Variants in ASS1 observed in about 807,000 individuals in gnomAD.
ASS1 encodes argininosuccinate synthase.
ASS1 carries 58 observed loss-of-function variants against 60.5 expected under a neutral mutation model. The observed-to-expected ratio is 0.96, with a 90% confidence interval of 0.78 to 1.19. The LOEUF (loss-of-function observed/expected upper bound fraction) is 1.19. ASS1 is among the 50% of genes most tolerant of loss of function. ASS1 has a pLI of 0.00. For synonymous variants in ASS1, 200 were observed against 206.9 expected (o/e 0.97, Z 0.29); for missense variants, 454 against 547.3 (o/e 0.83, Z 1.70).
intron 5 of ASS1, among the ~76,000 whole-genome samples, chr9:130,464,946 G>T (rs1429304008): frequency 1.3e-5 from 2 of 150,798 alleles, no homozygotes; most frequent in Admixed American, 6.6e-5. Context: ...GCACACTGCC[G>T]CTGCAAGCTG....
intron 4 of ASS1, among the ~76,000 whole-genome samples, chr9:130,460,350 G>A (rs1007225990): frequency 6.6e-6 from 1 of 152,224 alleles, no homozygotes; most frequent in Non-Finnish European, 1.5e-5. Flanking sequence ...GCTTGCACTG[G>A]GTATCTGCTG....
chr9:130,461,409 C>T (rs370509878), intron 4 of ASS1, among the ~76,000 whole-genome samples: 234 of 152,132 alleles, frequency 1.5e-3, no homozygotes, highest in African/African-American at 5.5e-3. Context: ...GAGGTGGCGG[C>T]ACCACCGGGG....
At chr9:130,473,688 C>T (rs1048208518) in intron 8 of ASS1, among the ~76,000 whole-genome samples, 1 of 152,218 alleles carries the variant, frequency 6.6e-6, no homozygotes, top group African/African-American at 2.4e-5. Flanking sequence ...GTGCCCCTCC[C>T]CCTCTCCAAA....
At chr9:130,472,572 C>T (rs1446926984) in intron 8 of ASS1, among the ~76,000 whole-genome samples, 1 of 152,200 alleles carries the variant, frequency 6.6e-6, no homozygotes, top group Admixed American at 6.5e-5. Context: ...CTGGTGCCCT[C>T]CAGCTCTGTG....
rs756665874 is a variant in ASS1 at position 130,494,893 on chromosome 9, T to G, written c.997T>G (p.Phe333Val). ...TGFWHSPECE[F>V]VRHCIAKSQE... ...TTTCTGGCACAGCCCTGAGTGTGAA[T>G]TTGTCCGCCACTGCATCGCCAAGTC... is the stretch of plus-strand genomic sequence containing the variant. The change falls in exon 13 of 15, where the codon TTT becomes GTT. Residue 333 changes from phenylalanine to valine, a missense_variant. Coordinates refer to ENST00000352480, the MANE Select transcript of ASS1 (RefSeq NM_054012.4). This position sits in a 1 kb window ranked among gnomAD's most constrained non-coding sequence, Gnocchi z 4.3. The G allele has an allele frequency of 6.2e-7, 1 of 1,613,372 alleles. No homozygotes were observed. Among genetic ancestry groups the G allele is most frequent in the Admixed American group, 1.7e-5 (1 of 60,010 alleles).
At chr9:130,480,140 G>A (rs543827212) in intron 10 of ASS1, among the ~76,000 whole-genome samples, 1 of 152,352 alleles carries the variant, frequency 6.6e-6, no homozygotes, top group East Asian at 1.9e-4. Context: ...AGGACACAGG[G>A]AACGGAAGGA....
intron 4 of ASS1, among the ~76,000 whole-genome samples, chr9:130,463,800 G>C (rs1234355350): frequency 2.0e-5 from 3 of 152,164 alleles, no homozygotes; most frequent in Non-Finnish European, 4.4e-5. Context: ...GAGCTCTGGG[G>C]CTGCAGGAGC....
chr9:130,487,002 C>G (rs1216654726), intron 11 of ASS1, among the ~76,000 whole-genome samples: 1 of 148,686 alleles, frequency 6.7e-6, no homozygotes, highest in East Asian at 1.9e-4. Flanking sequence ...CGGGCCCATT[C>G]CCCCTCCAGT....
chr9:130,448,549 A>G (rs1156306068), intron 1 of ASS1, among the ~76,000 whole-genome samples: 1 of 152,136 alleles, frequency 6.6e-6, no homozygotes. Context: ...CCTGGCAGGC[A>G]GGAGGGGCTC....
chr9:130,456,678 G>A (rs891407342), intron 3 of ASS1, among the ~76,000 whole-genome samples: 5 of 151,432 alleles, frequency 3.3e-5, no homozygotes, highest in South Asian at 2.1e-4. Flanking sequence ...GGCTGGGTGC[G>A]GTGGCTCACG....
In ASS1 at chr9:130,489,605, A is replaced by G; in HGVS notation, c.970+141A>G. The G allele has an allele frequency of 7.1e-7, 1 of 1,417,458 alleles. No individual in the cohort carries two copies. Among genetic ancestry groups the G allele is most frequent in the East Asian group, 2.3e-5 (1 of 43,644 alleles). The allele number at this position is 1,417,458 out of a possible 1,614,324, so 87.8% of individuals were successfully genotyped here. ...CACTGCCATCCTCATGTGAGACCCCAAAAGGTGCAGGCCAAAGGGGGTTGA... is the reference window on the plus strand; with the variant it reads ...CACTGCCATCCTCATGTGAGACCCCGAAAGGTGCAGGCCAAAGGGGGTTGA... On this transcript the variant is annotated intron_variant, in intron 12 of 14. Coordinates refer to ENST00000352480, the MANE Select transcript of ASS1 (RefSeq NM_054012.4). This position sits in a 1 kb window ranked among gnomAD's most constrained non-coding sequence, Gnocchi z 4.1.
intron 3 of ASS1, among the ~76,000 whole-genome samples, chr9:130,457,738 A>AC (rs1845478871): frequency 6.6e-6 from 1 of 151,446 alleles, no homozygotes; most frequent in Admixed American, 6.6e-5. Context: ...CCCTACTCCC[A>AC]CCCCCAACAG....
intron 8 of ASS1, among the ~76,000 whole-genome samples, chr9:130,471,784 TAG>T (rs1406494379): frequency 2.6e-5 from 4 of 151,876 alleles, no homozygotes; most frequent in African/African-American, 4.8e-5. Context: ...CAGGGCAGCA[TAG>T]AGAGAGAGTG....
Position 130,477,032 on chromosome 9 carries a change from T to TAGGTTCCCAGGCA in ASS1, c.688+71_688+72insAGGTTCCCAGGCA. The TAGGTTCCCAGGCA allele has an allele frequency of 6.7e-7, 1 of 1,500,226 alleles. No individual in the cohort carries two copies. Among genetic ancestry groups the TAGGTTCCCAGGCA allele is most frequent in the Non-Finnish European group, 9.3e-7 (1 of 1,078,536 alleles). The allele number at this position is 1,500,226 out of a possible 1,614,324, so 92.9% of individuals were successfully genotyped here. Reference sequence around the variant, plus strand: ...CCCTGGCTCCTTTCCCCTCCCTGCCTGGGAACCTAGGCCCTCTTTACCCCC... The same window carrying TAGGTTCCCAGGCA: ...CCCTGGCTCCTTTCCCCTCCCTGCCTAGGTTCCCAGGCAGGGAACCTAGGCCCTCTTTACCCCC... On this transcript the variant is annotated intron_variant, in intron 9 of 14. Coordinates refer to ENST00000352480, the MANE Select transcript of ASS1 (RefSeq NM_054012.4). This position sits in a 1 kb window ranked among gnomAD's most constrained non-coding sequence, Gnocchi z 4.2.
In ASS1 at chr9:130,499,364, C is replaced by T. The variant is rs1243810346; in HGVS notation, c.1128-141C>T. 3.1e-5 allele frequency: 27 copies of T among 862,350 alleles called. No individual in the cohort carries two copies. The East Asian group carries it at 3.4e-4, about 11-fold the overall frequency. The allele number at this position is 862,350 out of a possible 1,614,324, so 53.4% of individuals were successfully genotyped here. ...GTTGTACAGAAATTCAATGGAAAGC[C>T]GACGTGCAGGGAGGGTTTGGACCCA... On this transcript the variant is annotated intron_variant, in intron 13 of 14. Transcript: ENST00000352480.
chr9:130,493,813 G>A (rs1470503230), intron 12 of ASS1, among the ~76,000 whole-genome samples: 1 of 152,220 alleles, frequency 6.6e-6, no homozygotes, highest in Non-Finnish European at 1.5e-5. Context: ...GCTAGAGAGA[G>A]GCCGGGGGCA....
chr9:130,448,235 T>C (rs1845239762), intron 1 of ASS1, among the ~76,000 whole-genome samples: 1 of 151,988 alleles, frequency 6.6e-6, no homozygotes, highest in South Asian at 2.1e-4. Context: ...GCTGTCTGAT[T>C]GCATCATTTT....
chr9:130,465,084 C>G (rs1469202868), intron 5 of ASS1, among the ~76,000 whole-genome samples: 1 of 140,552 alleles, frequency 7.1e-6, no homozygotes, highest in East Asian at 2.1e-4. Context: ...TCTGGAGACT[C>G]GCTCTGTCAC....
Position 130,476,509 on chromosome 9 carries a change from G to A in ASS1, c.598-362G>A, listed in dbSNP as rs146772926. Reference sequence around the variant, plus strand: ...ATAAACCCCAATCCCGAGCCGGCGAGAGCGTGCGTGCCGCTCCTGGGAAGC... The same window carrying A: ...ATAAACCCCAATCCCGAGCCGGCGAAAGCGTGCGTGCCGCTCCTGGGAAGC... On this transcript the variant is annotated intron_variant, in intron 8 of 14. Transcript: ENST00000352480. The surrounding 1 kb of genome is among the most constrained non-coding windows in gnomAD (Gnocchi z 4.9). The A allele has an allele frequency of 5.7e-4, 238 of 419,184 alleles. No homozygotes were observed. Among genetic ancestry groups the A allele is most frequent in the Non-Finnish European group, 9.7e-4 (216 of 223,654 alleles). 26.0% of individuals were successfully genotyped at this position (419,184 alleles called of 1,614,324 possible). A position where few individuals can be genotyped will look rare whatever the true frequency, so the allele number is the denominator to read the frequency against.
Sources: allele counts gnomAD v4.1 joint callset (sites outside exome capture counted in the v4.1 genomes callset), GRCh38; gene constraint gnomAD v4.1.1; non-coding constraint Gnocchi (gnomAD v3.1); transcripts MANE v1.5; gene names NCBI Gene and HGNC (gene_info 2026-07-23, HGNC 2026-07-21).